EYS: variants seen among roughly 807,000 people sequenced by gnomAD.
EYS encodes EGF-like photoreceptor maintenance factor.
Under a neutral mutation model 282.1 loss-of-function variants are expected in EYS, and 250 were observed. That is an observed-to-expected ratio of 0.89 (90% CI 0.80 to 0.98). EYS has a LOEUF of 0.98. Ranked by LOEUF, EYS falls within the 50% of genes least tolerant of loss-of-function variation. The pLI, the probability that EYS is intolerant of heterozygous loss-of-function variation, is 0.00. For missense variants in EYS, 4,016 were observed against 3,709.0 expected (o/e 1.08, Z -2.15); for synonymous variants, 1,355 against 1,282.9 (o/e 1.06, Z -1.20).
intron 26 of EYS, among the ~76,000 whole-genome samples, chr6:64,444,756 G>A (rs1775065063): frequency 6.6e-6 from 1 of 152,170 alleles, no homozygotes; most frequent in Admixed American, 6.5e-5. Flanking sequence ...TGGATCACTA[G>A]GGCTGATCAT....
chr6:64,582,859 G>A (rs917881222), intron 26 of EYS, among the ~76,000 whole-genome samples: 2 of 152,090 alleles, frequency 1.3e-5, no homozygotes, highest in African/African-American at 4.8e-5. Flanking sequence ...CATTTGTTAG[G>A]AAGGTGCTAG....
chr6:63,878,729 C>T (rs1201194142), intron 35 of EYS, among the ~76,000 whole-genome samples: 2 of 152,294 alleles, frequency 1.3e-5, no homozygotes, highest in African/African-American at 2.4e-5. Flanking sequence ...TCTCAGACTG[C>T]TGTGCTAGCA....
chr6:65,333,307 T>G (rs1769863744), intron 11 of EYS, among the ~76,000 whole-genome samples: 1 of 151,692 alleles, frequency 6.6e-6, no homozygotes, highest in African/African-American at 2.4e-5. Flanking sequence ...TTAATAAAGA[T>G]TGTATTATTT....
At position 63,726,567 on chromosome 6, in the gene EYS, C is replaced by T. The variant is rs964398747; in HGVS notation, c.8185G>A (p.Ala2729Thr). 2 of 1,551,234 alleles carry T rather than the reference C, an allele frequency of 1.3e-6. No homozygotes were observed. Among genetic ancestry groups the T allele is most frequent in the Admixed American group, 2.0e-5 (1 of 50,970 alleles). ...GCAGCATAAAATAGGATACCATCTG[C>T]AGCGAGAGGCTGAAACTGCAATTGA... is the stretch of plus-strand genomic sequence containing the variant. Reference protein sequence around the residue: ...HIQLQFQPLAADGILFYAAQH... With the variant: ...HIQLQFQPLATDGILFYAAQH... Residue 2729 changes from alanine (A) to threonine (T), a missense_variant, in exon 42 of 43, where the codon GCA becomes ACA. By Grantham distance (58) the Ala-to-Thr change is moderately conservative. Coordinates refer to ENST00000503581, the MANE Select transcript of EYS (RefSeq NM_001142800.2).
intron 28 of EYS, among the ~76,000 whole-genome samples, chr6:64,406,436 G>A (rs968826617): frequency 6.6e-6 from 1 of 151,966 alleles, no homozygotes; most frequent in South Asian, 2.1e-4. Flanking sequence ...CAAAAGCAAT[G>A]GCAACAAAAG....
chr6:65,581,029 CT>C (rs1317136467), intron 2 of EYS, among the ~76,000 whole-genome samples: 1 of 151,998 alleles, frequency 6.6e-6, no homozygotes, highest in Non-Finnish European at 1.5e-5. Context: ...TTTGTTTCAA[CT>C]TTTAAAAAAG....
At chr6:64,459,073 C>A (rs1775658868) in intron 26 of EYS, among the ~76,000 whole-genome samples, 1 of 152,016 alleles carries the variant, frequency 6.6e-6, no homozygotes, top group South Asian at 2.1e-4. Flanking sequence ...CCAGTGAGTT[C>A]CAAAATGTAT....
intron 26 of EYS, among the ~76,000 whole-genome samples, chr6:64,476,690 T>G (rs1582800881): frequency 6.6e-6 from 1 of 152,152 alleles, no homozygotes; most frequent in African/African-American, 2.4e-5. Flanking sequence ...TACAAGCCAA[T>G]GTCAATTTAA....
intron 32 of EYS, among the ~76,000 whole-genome samples, chr6:64,070,985 G>A (rs115429945): frequency 0.011 from 1,663 of 152,032 alleles, 12 homozygotes; most frequent in Non-Finnish European, 0.019. Context: ...GGATACACTC[G>A]GAGTATCCCT....
At chr6:64,334,631 G>T (rs115484485) in intron 29 of EYS, among the ~76,000 whole-genome samples, 3 of 152,118 alleles carry the variant, frequency 2.0e-5, no homozygotes, top group Non-Finnish European at 4.4e-5. Flanking sequence ...GAAACAGCCC[G>T]AGCCTTAGAC....
At chr6:63,894,673 C>T (rs992771377) in intron 35 of EYS, among the ~76,000 whole-genome samples, 1 of 151,982 alleles carries the variant, frequency 6.6e-6, no homozygotes, top group Admixed American at 6.5e-5. Context: ...CCTCTGCCTC[C>T]TGGGTTCAAG....
At chr6:63,908,012 G>GTATATATATATATATA (rs57451331) in intron 35 of EYS, among the ~76,000 whole-genome samples, 2 of 131,152 alleles carry the variant, frequency 1.5e-5, no homozygotes, top group African/African-American at 5.8e-5. Context: ...ACACACAAAC[G>GTATATATATATATATA]TATATATATA....
intron 26 of EYS, among the ~76,000 whole-genome samples, chr6:64,586,915 T>C (rs1766251897): frequency 6.6e-6 from 1 of 152,136 alleles, no homozygotes; most frequent in Non-Finnish European, 1.5e-5. Flanking sequence ...TAGAGTTATA[T>C]TGCTGTAGGA....
intron 31 of EYS, among the ~76,000 whole-genome samples, chr6:64,091,879 T>A (rs1278575621): frequency 6.6e-6 from 1 of 152,156 alleles, no homozygotes; most frequent in Non-Finnish European, 1.5e-5. Flanking sequence ...TAGGTATATC[T>A]CCTAATGCTA....
chr6:63,964,555 T>C (rs193045735), intron 35 of EYS, among the ~76,000 whole-genome samples: 3 of 152,318 alleles, frequency 2.0e-5, no homozygotes, highest in Non-Finnish European at 4.4e-5. Context: ...CAAAACATGC[T>C]TTCTTACAGA....
At chr6:64,320,580 T>C (rs1770177786) in intron 29 of EYS, among the ~76,000 whole-genome samples, 1 of 151,878 alleles carries the variant, frequency 6.6e-6, no homozygotes, top group South Asian at 2.1e-4. Flanking sequence ...GTTTCCATTT[T>C]TCTCCTATTT....
chr6:65,269,124 G>A (rs1767833087), intron 12 of EYS, among the ~76,000 whole-genome samples: 1 of 152,008 alleles, frequency 6.6e-6, no homozygotes, highest in South Asian at 2.1e-4. Flanking sequence ...CTCTTAAAAT[G>A]ACAACCAAAT....
intron 12 of EYS, among the ~76,000 whole-genome samples, chr6:65,113,405 G>T (rs181989205): frequency 6.6e-6 from 1 of 151,764 alleles, no homozygotes; most frequent in East Asian, 1.9e-4. Context: ...AAAAAAAATT[G>T]TATAGGTTTA....
chr6:65,662,965 G>A (rs991353918), intron 1 of EYS, among the ~76,000 whole-genome samples: 1 of 152,128 alleles, frequency 6.6e-6, no homozygotes. Context: ...GAAATGTAAT[G>A]ATGATCAGGC....
Sources: allele counts gnomAD v4.1 joint callset (sites outside exome capture counted in the v4.1 genomes callset), GRCh38; gene constraint gnomAD v4.1.1; transcripts MANE v1.5; gene names NCBI Gene and HGNC (gene_info 2026-07-23, HGNC 2026-07-21).